Variants in PABIR3 observed in about 807,000 individuals in gnomAD.
PABIR3 encodes PABIR family member 1.
A neutral mutation model predicts 23.1 loss-of-function variants in PABIR3; 20 were observed. The ratio of observed to expected loss-of-function variants is 0.86; its 90% CI spans 0.61 to 1.26. The LOEUF (loss-of-function observed/expected upper bound fraction) is 1.26, where lower values mean the gene tolerates loss of function less well. Ranked by LOEUF, PABIR3 falls within the 50% of genes most tolerant of loss-of-function variation. PABIR3 has a pLI of 0.00. For synonymous variants in PABIR3, 69 were observed against 68.5 expected (o/e 1.01, Z -0.04); for missense variants, 189 against 195.4 (o/e 0.97, Z 0.20).
chrX:134,835,977 A>G (rs1451373373), intron 4 of PABIR3, among the ~76,000 whole-genome samples: 1 of 111,857 alleles, frequency 8.9e-6, no homozygotes, highest in South Asian at 3.7e-4. Flanking sequence ...AGCTGGGACT[A>G]CAGGCACCCA....
chrX:134,811,707 A>G (rs931982691), intron 2 of PABIR3, among the ~76,000 whole-genome samples: 2 of 111,973 alleles, frequency 1.8e-5, no homozygotes, highest in African/African-American at 6.5e-5. Flanking sequence ...TGCTGGGATT[A>G]CAGGCGTGAG....
At chrX:134,814,100 T>G (rs1271412485) in intron 2 of PABIR3, among the ~76,000 whole-genome samples, 3 of 111,559 alleles carry the variant, frequency 2.7e-5, no homozygotes, top group Non-Finnish European at 5.6e-5. Context: ...TATTGGTTAT[T>G]CCTCGTATTC....
At chrX:134,850,554 C>T (rs756245891) in intron 9 of PABIR3, among the ~76,000 whole-genome samples, 5 of 111,705 alleles carry the variant, frequency 4.5e-5, no homozygotes, top group Non-Finnish European at 9.4e-5. Context: ...AGTTTAAGAG[C>T]TGTTAGAAGT....
chrX:134,799,511 C>G lies in PABIR3; in HGVS notation c.-98+2647C>G, dbSNP rs545850835. Reference sequence around the variant, plus strand: ...AACCAACTTAAACACATAGAAAATTCCTTTCATAACTTCTCCTTTGCGAAC... The same window carrying G: ...AACCAACTTAAACACATAGAAAATTGCTTTCATAACTTCTCCTTTGCGAAC... On this transcript the variant is annotated intron_variant, in intron 1 of 4. Coordinates refer to the PABIR3 transcript ENST00000414371. Among the ~76,000 whole-genome samples, 18 of 112,585 alleles carry G rather than the reference C, an allele frequency of 1.6e-4. No individual in the cohort carries two copies. In the South Asian group the frequency reaches 6.5e-3, roughly 41 times the overall value.
upstream of PABIR3, among the ~76,000 whole-genome samples, chrX:134,806,778 CTTTT>C (rs755771740): frequency 2.4e-5 from 2 of 82,585 alleles, no homozygotes; most frequent in African/African-American, 8.9e-5. Context: ...GTAGCAGTAT[CTTTT>C]TTTTTTTTTT....
At chrX:134,807,794 T>C in intron 2 of PABIR3, 86 bp downstream of exon 2, 1 of 969,089 alleles carries the variant, frequency 1.0e-6, no homozygotes, top group African/African-American at 1.9e-5. Flanking sequence ...CCCGTCCCTT[T>C]ATTTGTTGAG....
At chrX:134,840,519 C>T (rs1359192268) in intron 4 of PABIR3, among the ~76,000 whole-genome samples, 1 of 111,087 alleles carries the variant, frequency 9.0e-6, no homozygotes, top group Admixed American at 9.6e-5. Context: ...GTGATGAGAA[C>T]TGTACAGCCA....
intron 4 of PABIR3, among the ~76,000 whole-genome samples, chrX:134,844,665 C>T (rs764242274): frequency 8.9e-6 from 1 of 112,125 alleles, no homozygotes; most frequent in Admixed American, 9.5e-5. Context: ...TACAATTTTA[C>T]ATAAATAGGA....
chrX:134,842,344 C>G (rs1246026142), intron 4 of PABIR3, among the ~76,000 whole-genome samples: 1 of 111,950 alleles, frequency 8.9e-6, no homozygotes, highest in Non-Finnish European at 1.9e-5. Context: ...CGCGGTGGCT[C>G]ACACCTGTAA....
At chrX:134,812,639 G>A (rs915650714) in intron 2 of PABIR3, among the ~76,000 whole-genome samples, 2 of 111,304 alleles carry the variant, frequency 1.8e-5, no homozygotes, top group Non-Finnish European at 3.8e-5. Context: ...AAGTGCTAGG[G>A]GAATTCAAAG....
chrX:134,841,449 C>T (rs2082228503), intron 4 of PABIR3, among the ~76,000 whole-genome samples: 1 of 111,598 alleles, frequency 9.0e-6, no homozygotes, highest in African/African-American at 3.3e-5. Context: ...GGACATATAC[C>T]ACTGTGCTAT....
downstream of PABIR3, among the ~76,000 whole-genome samples, chrX:134,858,997 T>A (rs2082761132): frequency 8.9e-6 from 1 of 112,022 alleles, no homozygotes; most frequent in Admixed American, 9.6e-5. Context: ...GTGGCTTTAC[T>A]GACAGCAAAG....
chrX:134,854,015 C>A lies in PABIR3; in HGVS notation c.687-76C>A. The A allele has an allele frequency of 2.8e-6, 3 of 1,066,820 alleles. No individual in the cohort carries two copies. The South Asian group carries it at 7.2e-5, about 25-fold the overall frequency. The allele number at this position is 1,066,820 out of a possible 1,213,427, so 87.9% of individuals were successfully genotyped here. A position where few individuals can be genotyped will look rare whatever the true frequency, so the allele number is the denominator to read the frequency against. On this transcript the variant is annotated intron_variant, in intron 10 of 10. Transcript: ENST00000645433. ...AGTTGTTAGTCATGTATTTTGCATTCATGTGTAGACAAAGCAGAGTATACA... is the reference window on the plus strand; with the variant it reads ...AGTTGTTAGTCATGTATTTTGCATTAATGTGTAGACAAAGCAGAGTATACA...
chrX:134,833,475 C>A (rs1363175727), intron 4 of PABIR3, among the ~76,000 whole-genome samples: 1 of 111,892 alleles, frequency 8.9e-6, no homozygotes, highest in Non-Finnish European at 1.9e-5. Flanking sequence ...TTTAACTGAT[C>A]CAAACACAAT....
At chrX:134,857,035 G>A (rs1439835896), downstream of PABIR3, among the ~76,000 whole-genome samples, 3 of 111,895 alleles carry the variant, frequency 2.7e-5, no homozygotes, top group African/African-American at 9.7e-5. Flanking sequence ...ATTATGGTAA[G>A]GCTATATTTT....
chrX:134,818,583 A>C (rs2148180808), intron 3 of PABIR3, among the ~76,000 whole-genome samples: 1 of 112,196 alleles, frequency 8.9e-6, no homozygotes, highest in Admixed American at 9.5e-5. Flanking sequence ...CACTTTCAGT[A>C]GAAGGAGGAG....
In PABIR3 at chrX:134,838,374, C is replaced by T. The variant is rs191227344; in HGVS notation, c.247-6831C>T. 9.7e-3 allele frequency among the ~76,000 whole-genome samples: 1,055 copies of T among 108,440 alleles called. 14 individuals are homozygous for T. Among genetic ancestry groups the T allele is most frequent in the African/African-American group, 0.033 (984 of 29,741 alleles). The allele number at this position is 108,440 out of a possible 115,157, so 94.2% of individuals were successfully genotyped here. A position where few individuals can be genotyped will look rare whatever the true frequency, so the allele number is the denominator to read the frequency against. On this transcript the variant is annotated intron_variant, in intron 4 of 10. Transcript: ENST00000645433. Reference sequence around the variant, plus strand: ...TGTCGCCCAGGCTGGAGTGCAGTGGCGCAATCTCGGCTCACTGCAACCTCT... The same window carrying T: ...TGTCGCCCAGGCTGGAGTGCAGTGGTGCAATCTCGGCTCACTGCAACCTCT...
At chrX:134,845,449 GACTT>G in intron 6 of PABIR3, 48 bp downstream of exon 6, 1 of 992,072 alleles carries the variant, frequency 1.0e-6, no homozygotes, top group Non-Finnish European at 1.4e-6. Context: ...AATTTTTACT[GACTT>G]ACAGTGTCGG....
chrX:134,814,158 T>C (rs1457321729), intron 2 of PABIR3, among the ~76,000 whole-genome samples: 4 of 111,466 alleles, frequency 3.6e-5, no homozygotes, highest in Non-Finnish European at 5.6e-5. Flanking sequence ...GCACGTTGTA[T>C]CTCTGACCAT....
Sources: gnomAD v4.1 joint callset for allele counts (sites outside exome capture counted in the v4.1 genomes callset) on GRCh38, gnomAD v4.1.1 for gene constraint, MANE v1.5 for transcripts, NCBI Gene and HGNC (gene_info 2026-07-23, HGNC 2026-07-21) for gene names.